The following GPC6 variants were observed in gnomAD, a reference collection of about 807,000 sequenced individuals.
The protein encoded by GPC6 is glypican 6, also known as glypican-6.
Under a neutral mutation model 55.2 loss-of-function variants are expected in GPC6, and 14 were observed. That is an observed-to-expected ratio of 0.25 (90% CI 0.17 to 0.40). GPC6 has a LOEUF of 0.40. Ranked by LOEUF, GPC6 falls within the 10% of genes least tolerant of loss-of-function variation. The pLI is 1.00. For missense variants in GPC6, 641 were observed against 708.5 expected (o/e 0.90, Z 1.08); for synonymous variants, 278 against 259.6 (o/e 1.07, Z -0.68).
chr13:93,832,773 G>A (rs1024555859), intron 3 of GPC6, among the ~76,000 whole-genome samples: 3 of 152,110 alleles, frequency 2.0e-5, no homozygotes, highest in African/African-American at 4.8e-5. Context: ...ATGACCTCAT[G>A]AGCCAACCAT....
chr13:93,324,587 CATATATAT>C (rs34871661), intron 1 of GPC6, among the ~76,000 whole-genome samples: 54 of 122,884 alleles, frequency 4.4e-4, no homozygotes, highest in African/African-American at 1.2e-3. Context: ...CACATACATA[CATATATAT>C]ATATATATAT....
At chr13:93,728,690 C>G (rs1201343455) in intron 2 of GPC6, among the ~76,000 whole-genome samples, 3 of 152,016 alleles carry the variant, frequency 2.0e-5, no homozygotes, top group Admixed American at 6.6e-5. Context: ...CCTCAGCCTC[C>G]CAAGTAGCTG....
At chr13:93,219,458 C>G in the GPC6 span, among the ~76,000 whole-genome samples, 1 of 152,102 alleles carries the variant, frequency 6.6e-6, no homozygotes, top group Non-Finnish European at 1.5e-5. Flanking sequence ...ATGTATGTGA[C>G]TATAGCCAAT....
At chr13:93,540,609 T>G (rs980848663) in intron 1 of GPC6, among the ~76,000 whole-genome samples, 1 of 152,236 alleles carries the variant, frequency 6.6e-6, no homozygotes, top group African/African-American at 2.4e-5. Context: ...TGATCTTTGA[T>G]ACATAAAATG....
intron 1 of GPC6, among the ~76,000 whole-genome samples, chr13:93,287,507 T>G (rs1878175848): frequency 6.6e-6 from 1 of 152,230 alleles, no homozygotes; most frequent in South Asian, 2.1e-4. Context: ...GTGGTTCTTA[T>G]GTTACTGGGC....
At chr13:94,130,623 G>A (rs1398787543) in intron 4 of GPC6, among the ~76,000 whole-genome samples, 3 of 152,072 alleles carry the variant, frequency 2.0e-5, no homozygotes, top group Admixed American at 2.0e-4. Context: ...ACTCTATTTA[G>A]CTACTATTAA....
At chr13:94,207,051 C>T (rs1022612516) in intron 4 of GPC6, among the ~76,000 whole-genome samples, 1 of 152,098 alleles carries the variant, frequency 6.6e-6, no homozygotes, top group African/African-American at 2.4e-5. Flanking sequence ...ACTGAAGTTA[C>T]TCAAATTACC....
At chr13:94,236,862 G>A (rs1890894247) in intron 4 of GPC6, among the ~76,000 whole-genome samples, 1 of 151,204 alleles carries the variant, frequency 6.6e-6, no homozygotes, top group South Asian at 2.1e-4. Flanking sequence ...TTTCCCCCAG[G>A]GATATGCAAA....
intron 2 of GPC6, among the ~76,000 whole-genome samples, chr13:93,810,025 C>G (rs1886650080): frequency 6.6e-6 from 1 of 152,082 alleles, no homozygotes; most frequent in Non-Finnish European, 1.5e-5. Flanking sequence ...AGACACCCAT[C>G]CAAAAAACTT....
chr13:94,237,897 G>A (rs1366945299), intron 4 of GPC6, among the ~76,000 whole-genome samples: 2 of 152,152 alleles, frequency 1.3e-5, no homozygotes, highest in African/African-American at 2.4e-5. Context: ...ATGAAAACAA[G>A]GAGCTGAGAA....
intron 1 of GPC6, among the ~76,000 whole-genome samples, chr13:93,296,565 T>G (rs1359229595): frequency 2.0e-5 from 3 of 151,996 alleles, no homozygotes; most frequent in African/African-American, 7.2e-5. Context: ...AAGCCTTCCA[T>G]ATCCGTACCT....
intron 4 of GPC6, among the ~76,000 whole-genome samples, chr13:94,219,477 G>A (rs1399351632): frequency 1.3e-5 from 2 of 152,030 alleles, no homozygotes; most frequent in African/African-American, 4.8e-5. Flanking sequence ...ATTGATCTGG[G>A]AAGTTCTTCA....
At chr13:93,270,637 T>C (rs990948822) in intron 1 of GPC6, among the ~76,000 whole-genome samples, 8 of 152,022 alleles carry the variant, frequency 5.3e-5, no homozygotes, top group Non-Finnish European at 1.0e-4. Context: ...CTTCTGCCTT[T>C]TATACCAGGC....
intron 4 of GPC6, among the ~76,000 whole-genome samples, chr13:94,250,804 G>A (rs1027652023): frequency 6.6e-6 from 1 of 152,028 alleles, no homozygotes; most frequent in Non-Finnish European, 1.5e-5. Context: ...CTGGGTGAAG[G>A]TACATGACAA....
At chr13:93,389,293 C>T (rs995633401) in intron 1 of GPC6, among the ~76,000 whole-genome samples, 3 of 151,696 alleles carry the variant, frequency 2.0e-5, no homozygotes, top group Admixed American at 6.6e-5. Flanking sequence ...GTCAGGAGAT[C>T]GAGACCATCC....
chr13:94,108,612 G>A (rs111971884), intron 4 of GPC6, among the ~76,000 whole-genome samples: 2 of 152,072 alleles, frequency 1.3e-5, no homozygotes, highest in East Asian at 1.9e-4. Context: ...AGGCCAAGGC[G>A]GGTGGATCAA....
At chr13:93,951,984 A>G (rs1879273361) in intron 3 of GPC6, among the ~76,000 whole-genome samples, 1 of 152,170 alleles carries the variant, frequency 6.6e-6, no homozygotes. Context: ...CATACAAACA[A>G]CATGCTAGTT....
intron 3 of GPC6, among the ~76,000 whole-genome samples, chr13:93,888,424 C>A (rs1875469942): frequency 6.6e-6 from 1 of 152,106 alleles, no homozygotes; most frequent in South Asian, 2.1e-4. Context: ...AAAGAGTTTC[C>A]CTTCTGGTAA....
At chr13:94,109,956 TG>T (rs1886182574) in intron 4 of GPC6, among the ~76,000 whole-genome samples, 1 of 151,596 alleles carries the variant, frequency 6.6e-6, no homozygotes, top group Non-Finnish European at 1.5e-5. Context: ...ATGGATATAT[TG>T]GGACCTCTTT....
Sources: gnomAD v4.1 joint callset for allele counts (sites outside exome capture counted in the v4.1 genomes callset) on GRCh38, gnomAD v4.1.1 for gene constraint, MANE v1.5 for transcripts, NCBI Gene and HGNC (gene_info 2026-07-23, HGNC 2026-07-21) for gene names.